MACROD2: variants seen among roughly 807,000 people sequenced by gnomAD.
The protein encoded by MACROD2 is mono-ADP ribosylhydrolase 2, also known as ADP-ribose glycohydrolase MACROD2.
Under a neutral mutation model 70.4 loss-of-function variants are expected in MACROD2, and 36 were observed. The observed-to-expected ratio is 0.51, with a 90% CI of 0.39 to 0.68. The LOEUF (loss-of-function observed/expected upper bound fraction) is 0.68, where lower values mean the gene tolerates loss of function less well. Ranked by LOEUF, MACROD2 falls within the 30% of genes least tolerant of loss-of-function variation. MACROD2 has a pLI of 0.00. For synonymous variants in MACROD2, 172 were observed against 178.8 expected, an observed-to-expected ratio of 0.96 and a Z score of 0.30; for missense variants, 496 against 538.4, an observed-to-expected ratio of 0.92 and a Z score of 0.78.
At chr20:16,026,161 C>A (rs200294584) in intron 15 of MACROD2, among the ~76,000 whole-genome samples, 154 of 87,490 alleles carry the variant, frequency 1.8e-3, no homozygotes, top group Middle Eastern at 6.5e-3. Flanking sequence ...CTCAAAAAAA[C>A]AAAACAACAA....
At chr20:15,988,493 T>C (rs2066516572) in intron 15 of MACROD2, among the ~76,000 whole-genome samples, 1 of 152,134 alleles carries the variant, frequency 6.6e-6, no homozygotes, top group African/African-American at 2.4e-5. Flanking sequence ...TTTCCTCTTT[T>C]GACTTGACCT....
chr20:14,735,389 G>A (rs2071651159), intron 5 of MACROD2, among the ~76,000 whole-genome samples: 1 of 152,132 alleles, frequency 6.6e-6, no homozygotes, highest in Admixed American at 6.5e-5. Flanking sequence ...CACATGAACA[G>A]GCGTCCACAC....
chr20:14,517,823 T>G (rs1207744109), intron 4 of MACROD2, among the ~76,000 whole-genome samples: 1 of 152,166 alleles, frequency 6.6e-6, no homozygotes, highest in African/African-American at 2.4e-5. Flanking sequence ...TTTCATGATG[T>G]ATTCTATCCT....
intron 5 of MACROD2, among the ~76,000 whole-genome samples, chr20:15,048,589 T>C (rs2075414369): frequency 6.6e-6 from 1 of 152,180 alleles, no homozygotes. Flanking sequence ...AATATCATTA[T>C]TATTTTCTAT....
At chr20:15,468,995 T>A (rs1251252096) in intron 7 of MACROD2, among the ~76,000 whole-genome samples, 2 of 152,184 alleles carry the variant, frequency 1.3e-5, no homozygotes, top group African/African-American at 4.8e-5. Flanking sequence ...TTCTATATAG[T>A]TCCTATCATT....
chr20:15,946,770 T>A (rs1292258387), intron 12 of MACROD2, among the ~76,000 whole-genome samples: 1 of 152,242 alleles, frequency 6.6e-6, no homozygotes, highest in Non-Finnish European at 1.5e-5. Context: ...GAAAGAAAAG[T>A]GGGCCCAGGG....
intron 6 of MACROD2, among the ~76,000 whole-genome samples, chr20:15,239,393 CAT>C (rs1336545158): frequency 6.6e-6 from 1 of 151,922 alleles, no homozygotes; most frequent in Non-Finnish European, 1.5e-5. Context: ...TAATGGAAAA[CAT>C]GTCACAGATT....
chr20:14,969,300 A>AT (rs901769991), intron 5 of MACROD2, among the ~76,000 whole-genome samples: 3 of 150,476 alleles, frequency 2.0e-5, no homozygotes, highest in African/African-American at 2.4e-5. Context: ...TCTTACGATT[A>AT]TTTTTTCCAT....
intron 5 of MACROD2, among the ~76,000 whole-genome samples, chr20:14,861,730 C>T (rs2073319829): frequency 6.6e-6 from 1 of 151,106 alleles, no homozygotes; most frequent in South Asian, 2.1e-4. Flanking sequence ...TAAGGTAACT[C>T]ACTCATGCCA....
At chr20:14,604,832 G>A (rs953335630) in intron 4 of MACROD2, among the ~76,000 whole-genome samples, 1 of 152,114 alleles carries the variant, frequency 6.6e-6, no homozygotes, top group Admixed American at 6.6e-5. Context: ...CAAGGAAGAA[G>A]ATCCCCTCAT....
At chr20:15,003,287 A>G (rs76248985) in intron 5 of MACROD2, among the ~76,000 whole-genome samples, 1,706 of 152,332 alleles carry the variant, frequency 0.011, 36 homozygotes, top group African/African-American at 0.039. Context: ...ATATGAAACA[A>G]CAGTAAGTGC....
chr20:15,162,936 C>A (rs1415444915), intron 5 of MACROD2, among the ~76,000 whole-genome samples: 1 of 151,954 alleles, frequency 6.6e-6, no homozygotes, highest in Non-Finnish European at 1.5e-5. Context: ...AAATAATATG[C>A]ATTAAACATT....
At chr20:14,813,592 A>G (rs192386979) in intron 5 of MACROD2, among the ~76,000 whole-genome samples, 32 of 151,894 alleles carry the variant, frequency 2.1e-4, no homozygotes, top group Non-Finnish European at 2.9e-4. Context: ...TTTTCTTTAC[A>G]AGGATATTTT....
intron 8 of MACROD2, among the ~76,000 whole-genome samples, chr20:15,764,762 A>G (rs1019347712): frequency 4.6e-5 from 7 of 152,196 alleles, no homozygotes; most frequent in African/African-American, 1.7e-4. Flanking sequence ...GAGTTTTTAA[A>G]CACAAAATCA....
chr20:15,176,872 T>C lies in MACROD2; in HGVS notation c.419-53068T>C, dbSNP rs563206320. On this transcript the variant is annotated intron_variant, in intron 5 of 17. Coordinates refer to ENST00000684519, the MANE Select transcript of MACROD2 (RefSeq NM_001351661.2). Reference sequence around the variant, plus strand: ...CCCTAGCCAGAGCTGTGACACCCTCTTTGGGGCTCTGTGGTTCCTGGCATC... The same window carrying C: ...CCCTAGCCAGAGCTGTGACACCCTCCTTGGGGCTCTGTGGTTCCTGGCATC... Among the ~76,000 whole-genome samples the C allele has an allele frequency of 9.8e-5, 15 of 152,306 alleles. 1 individual carries two copies. In the South Asian group the frequency reaches 2.9e-3, roughly 29 times the overall value.
chr20:14,124,814 G>C (rs1201074833), intron 3 of MACROD2, among the ~76,000 whole-genome samples: 1 of 152,096 alleles, frequency 6.6e-6, no homozygotes, highest in Non-Finnish European at 1.5e-5. Flanking sequence ...ATGCCCAAGA[G>C]AATTAAAAAC....
intron 3 of MACROD2, among the ~76,000 whole-genome samples, chr20:14,111,073 C>G (rs979994938): frequency 6.6e-6 from 1 of 151,872 alleles, no homozygotes; most frequent in Non-Finnish European, 1.5e-5. Context: ...ATCCATACAC[C>G]TACAGTGAAC....
chr20:15,371,268 A>G (rs1164308768), intron 6 of MACROD2, among the ~76,000 whole-genome samples: 1 of 152,140 alleles, frequency 6.6e-6, no homozygotes, highest in Non-Finnish European at 1.5e-5. Flanking sequence ...TTTCAGTATA[A>G]GATATTAAAA....
chr20:15,401,869 T>G (rs2045935420), intron 6 of MACROD2, among the ~76,000 whole-genome samples: 1 of 152,158 alleles, frequency 6.6e-6, no homozygotes, highest in Non-Finnish European at 1.5e-5. Context: ...TGATGGATAG[T>G]TGAGATGCAG....
Sources: gnomAD v4.1 joint callset for allele counts (sites outside exome capture counted in the v4.1 genomes callset) on GRCh38, gnomAD v4.1.1 for gene constraint, MANE v1.5 for transcripts, NCBI Gene and HGNC (gene_info 2026-07-23, HGNC 2026-07-21) for gene names.